SIGLEC12: variants seen among roughly 807,000 people sequenced by gnomAD.
The protein encoded by SIGLEC12 is sialic acid binding Ig like lectin 12, also known as sialic acid-binding Ig-like lectin 12.
In SIGLEC12, 43 loss-of-function variants were observed where a neutral mutation model predicts 54.1. The ratio of observed to expected loss-of-function variants is 0.80; its 90% CI spans 0.62 to 1.03. The LOEUF (loss-of-function observed/expected upper bound fraction) is 1.03, where lower values mean the gene tolerates loss of function less well. Ranked by LOEUF, SIGLEC12 falls within the 50% of genes least tolerant of loss-of-function variation. The pLI is 0.00. For missense variants in SIGLEC12, 802 were observed against 735.2 expected (o/e 1.09, Z -1.05); for synonymous variants, 357 against 307.6 (o/e 1.16, Z -1.68).
At position 51,501,481 on chromosome 19, in the gene SIGLEC12, C is replaced by T. The variant is rs1990394618; in HGVS notation, c.253G>A (p.Val85Met). 1 of 1,613,998 alleles carries T rather than the reference C, an allele frequency of 6.2e-7. No homozygotes were observed. The highest frequency in any genetic ancestry group is 8.5e-7 in the Non-Finnish European group (1 of 1,179,904). The change falls in exon 1 of 8, where the codon GTG (valine) becomes ATG (methionine). Residue 85 changes from valine to methionine, a missense_variant. Transcript: ENST00000291707. The part of the protein sequence containing the change: ...PVATNNPARA[V>M]QEETRDRFHL... ...AATCGGTCCCGAGTCTCCTCCTGCA[C>T]TGCTCGAGCTGGGTTGTTTGTGGCC...
At chr19:51,495,579 A>C (rs959254796) in intron 7 of SIGLEC12, among the ~76,000 whole-genome samples, 21 of 152,206 alleles carry the variant, frequency 1.4e-4, no homozygotes, top group African/African-American at 4.8e-4. Context: ...TTTCTTCTAC[A>C]TTGCATTTTC....
At chr19:51,492,540 G>A (rs1990133208) in intron 7 of SIGLEC12, among the ~76,000 whole-genome samples, 1 of 152,158 alleles carries the variant, frequency 6.6e-6, no homozygotes, top group Non-Finnish European at 1.5e-5. Flanking sequence ...TACCTTACAT[G>A]GCTAAAGGGG....
Position 51,496,325 on chromosome 19 carries a change from G to A in SIGLEC12, c.1599+555C>T, listed in dbSNP as rs538743661. Among the ~76,000 whole-genome samples the A allele has an allele frequency of 1.8e-4, 28 of 152,048 alleles. No individual in the cohort carries two copies. The Middle Eastern group carries it at 0.014, about 74-fold the overall frequency. ...CTCTACTAAAAATACAAAATTAGCC[G>A]GGCATGGTGGCTCGTGTATGTAATC... On this transcript the variant is annotated intron_variant, in intron 7 of 7. Coordinates refer to ENST00000291707, the MANE Select transcript of SIGLEC12 (RefSeq NM_053003.4).
intron 4 of SIGLEC12, among the ~76,000 whole-genome samples, 175 bp from the exon 5 acceptor site, chr19:51,498,462 A>G (rs1287669074): frequency 2.0e-5 from 3 of 152,308 alleles, no homozygotes; most frequent in East Asian, 3.9e-4. Context: ...TAATTAGAAC[A>G]ATTTCACTCT....
At position 51,491,417 on chromosome 19, in the gene SIGLEC12, A is replaced by G; in HGVS notation, c.*224T>C. 2 of 536,120 alleles carry G rather than the reference A, an allele frequency of 3.7e-6. No individual in the cohort carries two copies. The highest frequency in any genetic ancestry group is 6.7e-6 in the Non-Finnish European group (2 of 300,534). 33.2% of individuals were successfully genotyped at this position (536,120 alleles called of 1,614,324 possible). On this transcript the variant is annotated 3_prime_UTR_variant, in exon 8 of 8. Coordinates refer to ENST00000291707, the MANE Select transcript of SIGLEC12 (RefSeq NM_053003.4). The stretch of plus-strand genomic sequence containing the variant: ...ATAGTCGACCTCAGAGAAGTAGAGA[A>G]GAGAATGGTGGGTACCAGAGGCCGG...
chr19:51,499,787 C>A, intron 2 of SIGLEC12, 71 bp from the exon 3 acceptor site: 1 of 1,579,248 alleles, frequency 6.3e-7, no homozygotes, highest in Non-Finnish European at 8.6e-7. Context: ...GAGGCTCAGG[C>A]TCTGGTCTTA....
chr19:51,494,191 T>C (rs1990171970), intron 7 of SIGLEC12, among the ~76,000 whole-genome samples: 1 of 152,100 alleles, frequency 6.6e-6, no homozygotes. Flanking sequence ...TACAGAATGG[T>C]AGAAAATATT....
At chr19:51,496,852 G>T (rs772588986) in intron 7 of SIGLEC12, 28 bp downstream of exon 7, 1 of 1,608,944 alleles carries the variant, frequency 6.2e-7, no homozygotes, top group South Asian at 1.1e-5. Context: ...AAGCAGGGGA[G>T]AAGGGCTGTG....
chr19:51,500,419 G>T, intron 1 of SIGLEC12, 119 bp from the exon 2 acceptor site: 1 of 1,571,942 alleles, frequency 6.4e-7, no homozygotes, highest in Non-Finnish European at 8.7e-7. Flanking sequence ...GCAGAGAAGG[G>T]GGAGGGAGAG....
chr19:51,495,812 C>T (rs1461814306), intron 7 of SIGLEC12, among the ~76,000 whole-genome samples: 4 of 152,168 alleles, frequency 2.6e-5, no homozygotes, highest in Non-Finnish European at 4.4e-5. Flanking sequence ...TACTCTGCTA[C>T]TCGAAACCTT....
At position 51,501,656 on chromosome 19, in the gene SIGLEC12, C is replaced by G. The variant is rs781237187; in HGVS notation, c.78G>C (p.Leu26=). ...GCACCGTCACGGACTTCTGCATTGT[C>G]AGCAGGTAATCCTTCTGTTCCTTAG... ...VGAKEQKDYL[L]TMQKSVTVQE... Residue 26 remains leucine (L), a synonymous_variant, in exon 1 of 8, where the codon CTG becomes CTC. Transcript: ENST00000291707. 6.2e-7 allele frequency: 1 copy of G among 1,614,168 alleles called. No individual in the cohort carries two copies. Among genetic ancestry groups the G allele is most frequent in the Non-Finnish European group, 8.5e-7 (1 of 1,180,022 alleles).
chr19:51,500,440 G>T, intron 1 of SIGLEC12, 140 bp from the exon 2 acceptor site: 1 of 1,494,876 alleles, frequency 6.7e-7, no homozygotes, highest in Non-Finnish European at 9.1e-7. Context: ...GAGGGGCAGG[G>T]CTGTGGGACC....
At position 51,491,785 on chromosome 19, in the gene SIGLEC12, A is replaced by G. The variant is rs770936513; in HGVS notation, c.1644T>C (p.His548=). ...AGGGGGTGGCCAGGGCTGGCGGAGCATGGTGTGGGGGGCTGTCATCTGCCG... is the reference window on the plus strand; with the variant it reads ...AGGGGGTGGCCAGGGCTGGCGGAGCGTGGTGTGGGGGGCTGTCATCTGCCG... ...ESPADDSPPH[H]APPALATPSP... is the part of the protein sequence containing the mutation. Residue 548 remains histidine (H), a synonymous_variant, in exon 8 of 8, where the codon CAT becomes CAC. Transcript: ENST00000291707. The G allele has an allele frequency of 4.4e-6, 7 of 1,603,884 alleles. No individual in the cohort carries two copies. The Admixed American group carries it at 6.8e-5, about 15-fold the overall frequency.
chr19:51,499,402 C>T (rs373613023), intron 3 of SIGLEC12, 36 bp downstream of exon 3: 58 of 1,545,458 alleles, frequency 3.8e-5, no homozygotes, highest in East Asian at 1.4e-4. Flanking sequence ...CAAGGAATCC[C>T]GATCAAAGAC....
In SIGLEC12 at chr19:51,499,155, A is replaced by C. The variant is rs1250505212; in HGVS notation, c.1135+15T>G. On this transcript the variant is annotated intron_variant, in intron 4 of 7. Coordinates refer to ENST00000291707, the MANE Select transcript of SIGLEC12 (RefSeq NM_053003.4). ...GCTCTGCTCCTCCAGCCCCAGGGAG[A>C]GGACTCCATCTTACCTGTGCCATCT... The C allele has an allele frequency of 1.2e-6, 2 of 1,613,632 alleles. No individual in the cohort carries two copies. Among genetic ancestry groups the C allele is most frequent in the Non-Finnish European group, 1.7e-6 (2 of 1,179,726 alleles).
In SIGLEC12 at chr19:51,500,098, T is replaced by G; in HGVS notation, c.630A>C (p.Gly210=). 1 of 1,614,128 alleles carries G rather than the reference T, an allele frequency of 6.2e-7. No individual in the cohort carries two copies. Among genetic ancestry groups the G allele is most frequent in the Non-Finnish European group, 8.5e-7 (1 of 1,180,000 alleles). ...DIPVATNTPS[G]KVQEDTHGRF... ...GACCGTGGGTATCCTCTTGCACTTT[T>G]CCACTTGGGGTGTTTGTGGCCACTG... Residue 210 remains glycine (G), a synonymous_variant, in exon 2 of 8, where the codon GGA becomes GGC. Transcript: ENST00000291707.
chr19:51,495,198 T>C (rs200554547), intron 7 of SIGLEC12, among the ~76,000 whole-genome samples: 1,170 of 82,598 alleles, frequency 0.014, 8 homozygotes, highest in African/African-American at 0.032. Context: ...GATGGATGGA[T>C]GGACGGACGG....
chr19:51,492,795 C>G (rs927078424), intron 7 of SIGLEC12, among the ~76,000 whole-genome samples: 8 of 152,250 alleles, frequency 5.3e-5, no homozygotes, highest in African/African-American at 1.9e-4. Flanking sequence ...CCAGAAGGAA[C>G]TGGCCCTGCC....
chr19:51,491,490 ATCAGGCACGCATTT>A lies in SIGLEC12; in HGVS notation c.*137_*150del, dbSNP rs1174420061. On this transcript the variant is annotated 3_prime_UTR_variant, in exon 8 of 8. Transcript: ENST00000291707. ...GGATGGAGAAAGGGAGAGTTTGGTC[ATCAGGCACGCATTT>A]TCAGTTTGACAAGAGGAATAAGTTC... is the stretch of plus-strand genomic sequence containing the variant. 1 of 739,040 alleles carries A rather than the reference ATCAGGCACGCATTT, an allele frequency of 1.4e-6. No individual in the cohort carries two copies. The highest frequency in any genetic ancestry group is 2.2e-6 in the Non-Finnish European group (1 of 451,488). The allele number at this position is 739,040 out of a possible 1,614,324, so 45.8% of individuals were successfully genotyped here.
Sources: allele counts gnomAD v4.1 joint callset (sites outside exome capture counted in the v4.1 genomes callset), GRCh38; gene constraint gnomAD v4.1.1; transcripts MANE v1.5; gene names NCBI Gene and HGNC (gene_info 2026-07-23, HGNC 2026-07-21).